TNRC6C: variants seen among roughly 807,000 people sequenced by gnomAD.
TNRC6C encodes the protein trinucleotide repeat containing adaptor 6C, also known as trinucleotide repeat-containing gene 6C protein.
Under a neutral mutation model 153.7 loss-of-function variants are expected in TNRC6C, and 20 were observed. The observed-to-expected ratio is 0.13, with a 90% CI of 0.09 to 0.19. The LOEUF (loss-of-function observed/expected upper bound fraction) is 0.19. Ranked by LOEUF, TNRC6C falls within the 10% of genes least tolerant of loss-of-function variation. The pLI is 1.00. For missense variants in TNRC6C, 1,987 were observed against 2,172.0 expected (o/e 0.91, Z 1.69); for synonymous variants, 811 against 841.4 (o/e 0.96, Z 0.63).
intron 1 of TNRC6C, among the ~76,000 whole-genome samples, chr17:77,979,094 TA>T (rs1261575051): frequency 1.3e-5 from 2 of 152,184 alleles, no homozygotes; most frequent in South Asian, 2.1e-4. Context: ...GACCTTAAGG[TA>T]ATGTTGATAA....
At chr17:78,023,042 T>C (rs550695764) in intron 1 of TNRC6C, among the ~76,000 whole-genome samples, 74 of 152,260 alleles carry the variant, frequency 4.9e-4, no homozygotes, top group African/African-American at 1.6e-3. Context: ...TCCCAGCTAT[T>C]TGGGAGGCTG....
chr17:78,076,933 ATAGT>A (rs2073095675), intron 8 of TNRC6C, among the ~76,000 whole-genome samples: 1 of 152,234 alleles, frequency 6.6e-6, no homozygotes, highest in African/African-American at 2.4e-5. Flanking sequence ...GGCAGGGCCA[ATAGT>A]TAGGAGAATA....
At chr17:78,023,378 C>CT (rs2071873502) in intron 1 of TNRC6C, among the ~76,000 whole-genome samples, 1 of 152,172 alleles carries the variant, frequency 6.6e-6, no homozygotes, top group African/African-American at 2.4e-5. Flanking sequence ...CTGTAGCTTG[C>CT]TAATAGTTCT....
At chr17:78,034,391 C>CT (rs2072137981) in intron 2 of TNRC6C, among the ~76,000 whole-genome samples, 1 of 151,946 alleles carries the variant, frequency 6.6e-6, no homozygotes, top group East Asian at 1.9e-4. Context: ...ATTGGGATTG[C>CT]TTTCTTACTG....
At chr17:78,012,915 T>G (rs1268431870) in intron 1 of TNRC6C, among the ~76,000 whole-genome samples, 1 of 152,156 alleles carries the variant, frequency 6.6e-6, no homozygotes, top group Non-Finnish European at 1.5e-5. Flanking sequence ...GATAACTTGT[T>G]TTTAAAAGTA....
At chr17:78,019,342 A>G (rs1320255310) in intron 1 of TNRC6C, among the ~76,000 whole-genome samples, 1 of 152,188 alleles carries the variant, frequency 6.6e-6, no homozygotes, top group African/African-American at 2.4e-5. Flanking sequence ...CTCTTTCAAA[A>G]TCAAGTTCTC....
chr17:78,077,355 C>G (rs773887817), intron 9 of TNRC6C, 21 bp downstream of exon 11: 1 of 1,562,568 alleles, frequency 6.4e-7, no homozygotes, highest in South Asian at 1.2e-5. Context: ...TTGGAGAGAG[C>G]AAAACATGGC....
intron 1 of TNRC6C, among the ~76,000 whole-genome samples, chr17:78,021,344 C>A (rs926387705): frequency 6.6e-6 from 1 of 152,228 alleles, no homozygotes; most frequent in East Asian, 1.9e-4. Flanking sequence ...GCGTGGGCCA[C>A]GCATTCAGAC....
chr17:78,079,331 T>G lies in TNRC6C; in HGVS notation c.3211-64T>G. On this transcript the variant is annotated intron_variant, in intron 9 of 19. Transcript: ENST00000301624. This position sits in a 1 kb window ranked among gnomAD's most constrained non-coding sequence, Gnocchi z 4.3. ...TCACTTGAAATAGATCATTTCACCC[T>G]ACCTCCAAACAATGTTACTCTAATG... 1.3e-6 allele frequency: 2 copies of G among 1,588,606 alleles called. No homozygotes were observed. The highest frequency in any genetic ancestry group is 2.7e-5 in the African/African-American group (2 of 74,636).
At chr17:77,982,140 C>T (rs1162103708) in intron 1 of TNRC6C, among the ~76,000 whole-genome samples, 1 of 152,180 alleles carries the variant, frequency 6.6e-6, no homozygotes, top group Non-Finnish European at 1.5e-5. Flanking sequence ...TTCACCAGAA[C>T]TTGACCATGA....
At chr17:77,989,314 G>A (rs962359342) in intron 1 of TNRC6C, among the ~76,000 whole-genome samples, 8 of 152,108 alleles carry the variant, frequency 5.3e-5, no homozygotes, top group Admixed American at 3.9e-4. Flanking sequence ...TCTGAATTTC[G>A]CTCTGGATAT....
chr17:78,041,306 T>TA (rs1205588510), intron 2 of TNRC6C, among the ~76,000 whole-genome samples: 2 of 152,220 alleles, frequency 1.3e-5, no homozygotes, highest in African/African-American at 2.4e-5. Context: ...AGCTGCTTGC[T>TA]AAAGATCTGC....
At chr17:78,055,716 T>C (rs2072640191) in intron 3 of TNRC6C, among the ~76,000 whole-genome samples, 1 of 152,202 alleles carries the variant, frequency 6.6e-6, no homozygotes, top group Admixed American at 6.5e-5. Context: ...GCCCTATGCC[T>C]GGCACTGGAG....
At chr17:77,999,135 A>G (rs572706485) in intron 1 of TNRC6C, among the ~76,000 whole-genome samples, 1 of 152,292 alleles carries the variant, frequency 6.6e-6, no homozygotes, top group East Asian at 1.9e-4. Context: ...GGTGAGCCCA[A>G]AATGGTGAAG....
exon 17 of TNRC6C, chr17:78,098,380 C>T (rs748871958): frequency 1.2e-6 from 2 of 1,613,708 alleles, no homozygotes; most frequent in Admixed American, 1.7e-5. Flanking sequence ...GGTCCTCTGG[C>T]CCTACCTCCC....
At chr17:77,996,461 C>T (rs943720819) in intron 1 of TNRC6C, among the ~76,000 whole-genome samples, 2 of 152,162 alleles carry the variant, frequency 1.3e-5, no homozygotes, top group Non-Finnish European at 2.9e-5. Context: ...ACAGTCAGTG[C>T]GGTGAATCCA....
intron 1 of TNRC6C, among the ~76,000 whole-genome samples, chr17:78,009,943 G>T (rs1462864436): frequency 9.2e-5 from 14 of 152,028 alleles, no homozygotes; most frequent in Admixed American, 9.2e-4. Context: ...GAGTGTAGTG[G>T]CACGAACACA....
intron 13 of TNRC6C, among the ~76,000 whole-genome samples, chr17:78,090,769 C>T (rs912121807): frequency 3.9e-5 from 6 of 152,178 alleles, no homozygotes; most frequent in South Asian, 2.1e-4. Context: ...GCAGCACCCC[C>T]GCTGTCAAAT....
intron 2 of TNRC6C, among the ~76,000 whole-genome samples, chr17:78,047,775 T>A (rs2143955341): frequency 6.6e-6 from 1 of 152,362 alleles, no homozygotes; most frequent in Admixed American, 6.5e-5. Flanking sequence ...TATGTGAGTT[T>A]GTTGTATGTT....
Sources: gnomAD v4.1 joint callset for allele counts (sites outside exome capture counted in the v4.1 genomes callset) on GRCh38, gnomAD v4.1.1 for gene constraint, Gnocchi (gnomAD v3.1) non-coding constraint, MANE v1.5 for transcripts, NCBI Gene and HGNC (gene_info 2026-07-23, HGNC 2026-07-21) for gene names.